The following CYTH3 variants were observed in gnomAD, a reference collection of about 807,000 sequenced individuals.
CYTH3 encodes the protein cytohesin-3.
CYTH3 carries 23 observed loss-of-function variants against 55.1 expected under a neutral mutation model. The observed-to-expected ratio is 0.42, with a 90% CI of 0.30 to 0.59. The LOEUF is 0.59. Ranked by LOEUF, CYTH3 falls within the 20% of genes least tolerant of loss-of-function variation. CYTH3 has a pLI of 0.20. For synonymous variants in CYTH3, 249 were observed against 194.9 expected (o/e 1.28, Z -2.31); for missense variants, 413 against 524.8 (o/e 0.79, Z 2.08).
At chr7:6,202,630 A>C (rs774660062) in intron 1 of CYTH3, among the ~76,000 whole-genome samples, 10 of 151,924 alleles carry the variant, frequency 6.6e-5, no homozygotes, top group African/African-American at 2.4e-4. Flanking sequence ...CGCCCAACTA[A>C]TTTTGTTTTT....
chr7:6,219,531 T>A (rs78328362), intron 1 of CYTH3, among the ~76,000 whole-genome samples: 3,936 of 152,222 alleles, frequency 0.026, 246 homozygotes, highest in East Asian at 0.25. Flanking sequence ...AATTAAAAGG[T>A]GAGAGTATCC....
chr7:6,259,018 A>C (rs1037584760), intron 1 of CYTH3, among the ~76,000 whole-genome samples: 3 of 152,236 alleles, frequency 2.0e-5, no homozygotes, highest in African/African-American at 7.2e-5. Context: ...GAGAATTCTC[A>C]GAGGACCACA....
chr7:6,245,493 C>CGTG (rs1410524803), intron 1 of CYTH3, among the ~76,000 whole-genome samples: 1 of 152,084 alleles, frequency 6.6e-6, no homozygotes, highest in Non-Finnish European at 1.5e-5. Flanking sequence ...GAAGGTGCAC[C>CGTG]CTAGAGAGAA....
chr7:6,208,127 A>T (rs1784238955), intron 1 of CYTH3, among the ~76,000 whole-genome samples: 1 of 152,260 alleles, frequency 6.6e-6, no homozygotes, highest in African/African-American at 2.4e-5. Context: ...AGGTATACAC[A>T]TCTATCACTG....
chr7:6,223,261 G>A (rs896643604), intron 1 of CYTH3, among the ~76,000 whole-genome samples: 2 of 151,766 alleles, frequency 1.3e-5, no homozygotes, highest in African/African-American at 2.4e-5. Context: ...CCTGTGCCAG[G>A]CCGCCCCGTC....
chr7:6,247,529 A>G (rs1583194603), intron 1 of CYTH3, among the ~76,000 whole-genome samples: 2 of 152,228 alleles, frequency 1.3e-5, no homozygotes, highest in African/African-American at 4.8e-5. Flanking sequence ...GATCACAGCA[A>G]TAATTTAACT....
At chr7:6,212,905 T>G (rs1022141261) in intron 1 of CYTH3, among the ~76,000 whole-genome samples, 15 of 152,206 alleles carry the variant, frequency 9.9e-5, no homozygotes, top group Non-Finnish European at 2.1e-4. Flanking sequence ...CCACACTGTT[T>G]TCTACAGCAG....
At chr7:6,179,800 CCACACACACCA>C (rs1326226164) in intron 4 of CYTH3, among the ~76,000 whole-genome samples, 41 of 123,012 alleles carry the variant, frequency 3.3e-4, no homozygotes, top group East Asian at 3.1e-3. Context: ...CACACACCCA[CCACACACACCA>C]CACACACACC....
intron 1 of CYTH3, 66 bp downstream of exon 1, chr7:6,272,408 T>TCGGGGGGGGGGGGC: frequency 5.0e-6 from 6 of 1,207,016 alleles, no homozygotes; most frequent in Non-Finnish European, 6.3e-6. Flanking sequence ...CGCCGCGCCC[T>TCGGGGGGGGGGGGC]CGACCCCCAG....
chr7:6,180,721 G>C (rs1228175354), intron 4 of CYTH3, among the ~76,000 whole-genome samples: 1 of 152,208 alleles, frequency 6.6e-6, no homozygotes, highest in Non-Finnish European at 1.5e-5. Context: ...TATTAGAAAT[G>C]TTTACTATTT....
At chr7:6,241,139 A>G (rs1779662928) in intron 1 of CYTH3, among the ~76,000 whole-genome samples, 1 of 152,076 alleles carries the variant, frequency 6.6e-6, no homozygotes, top group African/African-American at 2.4e-5. Flanking sequence ...AAAGAAATAC[A>G]TTTGGTTGCA....
At chr7:6,190,148 T>C (rs1783762851) in intron 2 of CYTH3, among the ~76,000 whole-genome samples, 1 of 152,216 alleles carries the variant, frequency 6.6e-6, no homozygotes, top group African/African-American at 2.4e-5. Flanking sequence ...CTTTAGATGA[T>C]ACGCTGCCTG....
At chr7:6,165,087 C>G (rs892910059) in intron 12 of CYTH3, 71 bp from the exon 13 acceptor site, 3 of 1,601,476 alleles carry the variant, frequency 1.9e-6, no homozygotes, top group Non-Finnish European at 2.6e-6. Context: ...CCACCAGCCC[C>G]AGAGGCCCCT....
chr7:6,192,418 G>A lies in CYTH3; in HGVS notation c.35-1887C>T, dbSNP rs533640372. On this transcript the variant is annotated intron_variant, in intron 1 of 12. Coordinates refer to ENST00000350796, the MANE Select transcript of CYTH3 (RefSeq NM_004227.4). ...TTTTTAAATTTAAAGACAGGGTCTT[G>A]CTATGTTGCCCAGGCTGGCCTTGAA... Among the ~76,000 whole-genome samples, 38 of 151,264 alleles carry A rather than the reference G, an allele frequency of 2.5e-4. No homozygotes were observed. The South Asian group carries it at 7.8e-3, about 31-fold the overall frequency.
intron 4 of CYTH3, among the ~76,000 whole-genome samples, chr7:6,182,751 C>T (rs1338840620): frequency 1.3e-5 from 2 of 152,152 alleles, no homozygotes; most frequent in East Asian, 3.9e-4. Flanking sequence ...CTCAAGTGAT[C>T]CTCCCACCTA....
chr7:6,253,741 G>A (rs932647750), intron 1 of CYTH3, among the ~76,000 whole-genome samples: 9 of 152,162 alleles, frequency 5.9e-5, no homozygotes, highest in East Asian at 3.9e-4. Context: ...ACTTGAACCC[G>A]GGAGGCGGAA....
In CYTH3 at chr7:6,264,309, T is replaced by C. The variant is rs113669954; in HGVS notation, c.34+8165A>G. Among the ~76,000 whole-genome samples, 451 of 151,948 alleles carry C rather than the reference T, an allele frequency of 3.0e-3. 1 individual carries two copies. The highest frequency in any genetic ancestry group is 0.01 in the African/African-American group (424 of 41,440). On this transcript the variant is annotated intron_variant, in intron 1 of 12. Transcript: ENST00000350796. ...CTTACAGAGGCACACGCACATCTGT[T>C]GAAGTATGAAATATATACCAGGCTG...
intron 1 of CYTH3, among the ~76,000 whole-genome samples, chr7:6,210,868 C>T (rs1162774062): frequency 6.6e-6 from 1 of 152,182 alleles, no homozygotes; most frequent in Non-Finnish European, 1.5e-5. Context: ...ACTTAAAATG[C>T]TTCAAACAGC....
chr7:6,197,853 A>G (rs1390358426), intron 1 of CYTH3, among the ~76,000 whole-genome samples: 2 of 152,184 alleles, frequency 1.3e-5, no homozygotes, highest in Non-Finnish European at 2.9e-5. Context: ...GTACTTTGGG[A>G]AGCCAAAGCC....
Sources: gnomAD v4.1 joint callset for allele counts (sites outside exome capture counted in the v4.1 genomes callset) on GRCh38, gnomAD v4.1.1 for gene constraint, MANE v1.5 for transcripts, NCBI Gene and HGNC (gene_info 2026-07-23, HGNC 2026-07-21) for gene names.